The following TET3 variants were observed in gnomAD, a reference collection of about 807,000 sequenced individuals.
TET3 encodes tet methylcytosine dioxygenase 3.
TET3 carries 19 observed loss-of-function variants against 141.4 expected under a neutral mutation model. That is an observed-to-expected ratio of 0.13 (90% CI 0.09 to 0.20). The LOEUF (loss-of-function observed/expected upper bound fraction) is 0.20. Among genes scored for constraint, TET3 ranks in the 10% least tolerant of loss-of-function variants. The probability of loss-of-function intolerance (pLI) is 1.00; values close to 1 mark genes in which losing one functional copy is unlikely to be tolerated. For synonymous variants in TET3, 1,043 were observed against 980.9 expected (o/e 1.06, Z -1.18); for missense variants, 1,874 against 2,356.9 (o/e 0.80, Z 4.24).
chr2:74,084,169 T>G (rs1313644660), intron 6 of TET3, among the ~76,000 whole-genome samples: 1 of 152,212 alleles, frequency 6.6e-6, no homozygotes, highest in African/African-American at 2.4e-5. Flanking sequence ...TGGCCAGAGA[T>G]GTGTTTTGTT....
In TET3 at chr2:74,046,217, A is replaced by G. The variant is rs1687609065; in HGVS notation, c.361-61A>G. 2.1e-6 allele frequency: 3 copies of G among 1,433,314 alleles called. No homozygotes were observed. The highest frequency in any genetic ancestry group is 1.8e-6 in the Non-Finnish European group (2 of 1,085,584). 88.8% of individuals were successfully genotyped at this position (1,433,314 alleles called of 1,614,324 possible). A position where few individuals can be genotyped will look rare whatever the true frequency, so the allele number is the denominator to read the frequency against. On this transcript the variant is annotated intron_variant, in intron 3 of 11. Coordinates refer to ENST00000409262, the MANE Select transcript of TET3 (RefSeq NM_001287491.2). The surrounding 1 kb of genome is among the most constrained non-coding windows in gnomAD (Gnocchi z 4.3). ...TGCACCTGAGTGGTATGAAGCAGGGAAATGCTTTTCAAATAGTGTGGTTCA... is the reference window on the plus strand; with the variant it reads ...TGCACCTGAGTGGTATGAAGCAGGGGAATGCTTTTCAAATAGTGTGGTTCA...
chr2:74,061,103 G>A (rs960764394), intron 4 of TET3, among the ~76,000 whole-genome samples: 8 of 151,032 alleles, frequency 5.3e-5, no homozygotes, highest in African/African-American at 9.7e-5. Flanking sequence ...GGGCAGAGGC[G>A]CCCCTCACCT....
intron 3 of TET3, among the ~76,000 whole-genome samples, chr2:74,044,242 A>G (rs1295851620): frequency 6.6e-6 from 1 of 152,130 alleles, no homozygotes; most frequent in Admixed American, 6.6e-5. Flanking sequence ...TACTTGAGGG[A>G]CTGATTTCTT....
chr2:74,059,426 T>G (rs1161192096), intron 4 of TET3, among the ~76,000 whole-genome samples: 2 of 151,912 alleles, frequency 1.3e-5, no homozygotes, highest in African/African-American at 4.8e-5. Context: ...CTAACTTTTG[T>G]ATTTTTTTAG....
chr2:74,032,319 T>A (rs1686737853), intron 3 of TET3, among the ~76,000 whole-genome samples: 2 of 146,176 alleles, frequency 1.4e-5, no homozygotes, highest in South Asian at 4.3e-4. Context: ...GAGGAGTAGA[T>A]CTGTGCTGTT....
rs1248462024 is a variant in TET3 at position 74,092,892 on chromosome 2, C to T, written c.3040-10C>T. ...CTGCTCTGGATGTGTGACTGCCCCT[C>T]TCTCTGCAGGAAGAAGTGCTCCGGA... is the stretch of plus-strand genomic sequence containing the variant. On this transcript the variant is annotated splice_polypyrimidine_tract_variant and intron_variant, in intron 8 of 11. Coordinates refer to ENST00000409262, the MANE Select transcript of TET3 (RefSeq NM_001287491.2). The T allele has an allele frequency of 6.3e-7, 1 of 1,579,644 alleles. No individual in the cohort carries two copies. Among genetic ancestry groups the T allele is most frequent in the African/African-American group, 1.3e-5 (1 of 74,248 alleles).
intron 10 of TET3, 70 bp from the exon 11 acceptor site, chr2:74,099,206 G>A: frequency 7.1e-7 from 1 of 1,401,662 alleles, no homozygotes; most frequent in Non-Finnish European, 9.7e-7. Context: ...TGTTTTGGGT[G>A]CTCAGACCCC....
intron 3 of TET3, among the ~76,000 whole-genome samples, chr2:74,004,138 G>A (rs970069858): frequency 3.9e-5 from 6 of 152,092 alleles, no homozygotes; most frequent in African/African-American, 1.4e-4. Flanking sequence ...GGGGCAGGTG[G>A]GCAGGGTCAG....
chr2:73,987,940 C>T (rs1402954938), intron 2 of TET3, among the ~76,000 whole-genome samples: 1 of 152,196 alleles, frequency 6.6e-6, no homozygotes, highest in East Asian at 1.9e-4. Flanking sequence ...AAGAAAGATT[C>T]AAGTGTTGAG....
chr2:74,113,035 A>AAC (rs70965788), downstream of TET3, among the ~76,000 whole-genome samples: 5 of 147,432 alleles, frequency 3.4e-5, no homozygotes, highest in Non-Finnish European at 5.9e-5. Context: ...AAAAAAAAAA[A>AAC]CCCACAGTTA....
At chr2:74,014,837 T>C (rs1685648402) in intron 3 of TET3, among the ~76,000 whole-genome samples, 1 of 152,142 alleles carries the variant, frequency 6.6e-6, no homozygotes, top group African/African-American at 2.4e-5. Flanking sequence ...GTTGGGATCC[T>C]TCAGTCCATG....
chr2:74,102,223 T>G lies in TET3; in HGVS notation c.*47T>G. The G allele has an allele frequency of 7.2e-7, 1 of 1,394,316 alleles. No individual in the cohort carries two copies. Among genetic ancestry groups the G allele is most frequent in the African/African-American group, 1.5e-5 (1 of 68,786 alleles). 86.4% of individuals were successfully genotyped at this position (1,394,316 alleles called of 1,614,324 possible). ...TCAGCGTCGGGCCTGGCCCGAGCTGTCTCTGTGGTGCTTTTGCCCTCATAC... is the reference window on the plus strand; with the variant it reads ...TCAGCGTCGGGCCTGGCCCGAGCTGGCTCTGTGGTGCTTTTGCCCTCATAC... On this transcript the variant is annotated 3_prime_UTR_variant, in exon 12 of 12. Transcript: ENST00000409262.
chr2:74,123,384 C>T, the TET3 span, among the ~76,000 whole-genome samples: 3 of 152,128 alleles, frequency 2.0e-5, no homozygotes, highest in African/African-American at 7.2e-5. Flanking sequence ...TTTGGGAGGC[C>T]AAGGCGGGCG....
At chr2:74,119,027 A>T in the TET3 span, among the ~76,000 whole-genome samples, 1 of 152,212 alleles carries the variant, frequency 6.6e-6, no homozygotes, top group Non-Finnish European at 1.5e-5. Context: ...TTTGATCTGC[A>T]GACTGCTGCC....
rs199849765 is a variant in TET3, at chr2:74,100,671, G to A, written c.3883G>A (p.Val1295Ile). The A allele has an allele frequency of 5.0e-4, 804 of 1,613,994 alleles. 1 individual carries two copies. The highest frequency in any genetic ancestry group is 6.1e-4 in the Non-Finnish European group (722 of 1,179,890). ...SYYGFPSSNP[V>I]FPSQFLGPGA... Reference sequence around the variant, plus strand: ...CTATGGCTTTCCATCCAGCAACCCCGTCTTCCCCTCTCAGTTCCTGGGTCC... The same window carrying A: ...CTATGGCTTTCCATCCAGCAACCCCATCTTCCCCTCTCAGTTCCTGGGTCC... Residue 1295 changes from valine (V) to isoleucine (I), a missense_variant, in exon 12 of 12, where the codon GTC becomes ATC. Transcript: ENST00000409262.
At chr2:74,007,039 G>A (rs1196238210) in intron 3 of TET3, among the ~76,000 whole-genome samples, 1 of 151,952 alleles carries the variant, frequency 6.6e-6, no homozygotes, top group East Asian at 1.9e-4. Context: ...CATGTTCTAG[G>A]TACAGCATTA....
chr2:74,060,163 A>G (rs959109546), intron 4 of TET3, among the ~76,000 whole-genome samples: 3 of 152,230 alleles, frequency 2.0e-5, no homozygotes, highest in Admixed American at 1.3e-4. Flanking sequence ...AAATGGTGCC[A>G]TCCAGTCTTT....
At chr2:74,080,411 A>G (rs1402315970) in intron 5 of TET3, 87 bp from the exon 6 acceptor site, 2 of 1,192,438 alleles carry the variant, frequency 1.7e-6, no homozygotes, top group African/African-American at 1.5e-5. Context: ...AACTCAAACA[A>G]AAGCACACTG....
At position 74,090,064 on chromosome 2, in the gene TET3, G is replaced by C. The variant is rs537162935; in HGVS notation, c.3039+17G>C. The stretch of plus-strand genomic sequence containing the variant: ...CCCAAAGAGGTGAGCAGAGCTGGGC[G>C]GGGACCCTGCCTCCCATCCTTTCTC... On this transcript the variant is annotated intron_variant, in intron 8 of 11. Transcript: ENST00000409262. 1 of 1,611,626 alleles carries C rather than the reference G, an allele frequency of 6.2e-7. No individual in the cohort carries two copies. The highest frequency in any genetic ancestry group is 1.1e-5 in the South Asian group (1 of 91,038).
Sources: allele counts gnomAD v4.1 joint callset (sites outside exome capture counted in the v4.1 genomes callset), GRCh38; gene constraint gnomAD v4.1.1; non-coding constraint Gnocchi (gnomAD v3.1); transcripts MANE v1.5; gene names NCBI Gene and HGNC (gene_info 2026-07-23, HGNC 2026-07-21).